MACROD2: variants seen among roughly 807,000 people sequenced by gnomAD.
MACROD2 encodes the protein mono-ADP ribosylhydrolase 2, also known as ADP-ribose glycohydrolase MACROD2.
MACROD2 carries 36 observed loss-of-function variants against 70.4 expected under a neutral mutation model. The ratio of observed to expected loss-of-function variants is 0.51; its 90% CI spans 0.39 to 0.68. The LOEUF is 0.68. Among genes scored for constraint, MACROD2 ranks in the 30% least tolerant of loss-of-function variants. MACROD2 has a pLI of 0.00. For synonymous variants in MACROD2, 172 were observed against 178.8 expected (o/e 0.96, Z 0.30); for missense variants, 496 against 538.4 (o/e 0.92, Z 0.78).
chr20:14,027,713 C>G (rs2053190494), intron 2 of MACROD2, among the ~76,000 whole-genome samples: 1 of 152,196 alleles, frequency 6.6e-6, no homozygotes, highest in Admixed American at 6.5e-5. Flanking sequence ...CCACTGCACA[C>G]CCGGTTTGCC....
At chr20:14,567,729 A>G (rs1252461713) in intron 4 of MACROD2, among the ~76,000 whole-genome samples, 1 of 152,112 alleles carries the variant, frequency 6.6e-6, no homozygotes, top group Non-Finnish European at 1.5e-5. Context: ...CAAGGATTCA[A>G]TAAACCACTT....
At chr20:14,994,144 G>T (rs891331854) in intron 5 of MACROD2, among the ~76,000 whole-genome samples, 2 of 151,896 alleles carry the variant, frequency 1.3e-5, no homozygotes, top group African/African-American at 4.8e-5. Context: ...ACACATACAT[G>T]TACAGGATAG....
chr20:14,994,632 C>CA (rs1377038000), intron 5 of MACROD2, among the ~76,000 whole-genome samples: 2 of 152,032 alleles, frequency 1.3e-5, no homozygotes, highest in Non-Finnish European at 2.9e-5. Flanking sequence ...AGAAAAAAAG[C>CA]AGAGTAGAGA....
At position 15,510,549 on chromosome 20, in the gene MACROD2, G is replaced by A. The variant is rs78164126; in HGVS notation, c.645+10702G>A. ...TGTTTTCAGCCAGGCTGCTGTTTCC[G>A]ATAGAAGCTGTGACCAGAGCTGAAC... On this transcript the variant is annotated intron_variant, in intron 8 of 17. Transcript: ENST00000684519. Among the ~76,000 whole-genome samples the A allele has an allele frequency of 5.5e-3, 840 of 152,264 alleles. 10 individuals carry two copies. The highest frequency in any genetic ancestry group is 0.019 in the African/African-American group (793 of 41,556).
chr20:14,947,701 G>T (rs2074444081), intron 5 of MACROD2, among the ~76,000 whole-genome samples: 1 of 152,104 alleles, frequency 6.6e-6, no homozygotes, highest in Non-Finnish European at 1.5e-5. Context: ...AGCTCCCAGG[G>T]AATGCTAATG....
intron 5 of MACROD2, among the ~76,000 whole-genome samples, chr20:15,148,202 G>C (rs2076244429): frequency 6.6e-6 from 1 of 151,970 alleles, no homozygotes; most frequent in Non-Finnish European, 1.5e-5. Context: ...CCTAGAGTGG[G>C]AGAGATTAAG....
intron 4 of MACROD2, among the ~76,000 whole-genome samples, chr20:14,677,144 C>G (rs1600528102): frequency 1.3e-5 from 2 of 152,112 alleles, no homozygotes; most frequent in South Asian, 4.1e-4. Context: ...TGAGCTTTAC[C>G]TGAGGAATGC....
At chr20:14,355,323 G>T (rs204622) in intron 3 of MACROD2, among the ~76,000 whole-genome samples, 1,885 of 152,270 alleles carry the variant, frequency 0.012, 40 homozygotes, top group African/African-American at 0.043. Flanking sequence ...AAGACAGAGT[G>T]AGTTATGACT....
At chr20:15,785,697 G>C (rs1256176087) in intron 8 of MACROD2, among the ~76,000 whole-genome samples, 3 of 152,076 alleles carry the variant, frequency 2.0e-5, no homozygotes, top group African/African-American at 7.2e-5. Flanking sequence ...CCCTGAGGCA[G>C]GTCCTCAGGT....
At chr20:15,199,372 AAAC>A (rs1385511243) in intron 5 of MACROD2, among the ~76,000 whole-genome samples, 1 of 152,110 alleles carries the variant, frequency 6.6e-6, no homozygotes, top group African/African-American at 2.4e-5. Flanking sequence ...AACAAAAAAC[AAAC>A]AACAACAACA....
At chr20:14,240,512 A>G (rs2081919446) in intron 3 of MACROD2, among the ~76,000 whole-genome samples, 1 of 152,212 alleles carries the variant, frequency 6.6e-6, no homozygotes, top group Admixed American at 6.5e-5. Flanking sequence ...ACAGCCCCCC[A>G]AAATGGATGA....
chr20:14,820,195 C>T (rs1292402857), intron 5 of MACROD2, among the ~76,000 whole-genome samples: 2 of 151,992 alleles, frequency 1.3e-5, no homozygotes, highest in African/African-American at 2.4e-5. Context: ...AGTGAAATAG[C>T]TTCTGAAGGC....
chr20:15,671,746 C>T (rs2049982523), intron 8 of MACROD2, among the ~76,000 whole-genome samples: 1 of 152,216 alleles, frequency 6.6e-6, no homozygotes, highest in Non-Finnish European at 1.5e-5. Flanking sequence ...CTCTGCTTCA[C>T]AGCGGAATGC....
chr20:14,516,641 G>C (rs1327084523), intron 4 of MACROD2, among the ~76,000 whole-genome samples: 1 of 152,078 alleles, frequency 6.6e-6, no homozygotes, highest in Non-Finnish European at 1.5e-5. Context: ...TGAGGGCTCT[G>C]TTCTGTTCCA....
chr20:15,243,817 T>C (rs2077081862), intron 6 of MACROD2, among the ~76,000 whole-genome samples: 1 of 148,914 alleles, frequency 6.7e-6, no homozygotes, highest in African/African-American at 2.5e-5. Context: ...TCCCAGCTAC[T>C]GGGGAGGCTG....
chr20:15,569,912 A>G (rs1389148305), intron 8 of MACROD2, among the ~76,000 whole-genome samples: 2 of 152,132 alleles, frequency 1.3e-5, no homozygotes, highest in African/African-American at 4.8e-5. Flanking sequence ...GGTTGATTCC[A>G]TATCTTGGGT....
At chr20:15,495,766 T>C (rs1455630378) in intron 7 of MACROD2, among the ~76,000 whole-genome samples, 1 of 152,226 alleles carries the variant, frequency 6.6e-6, no homozygotes, top group African/African-American at 2.4e-5. Flanking sequence ...CATAAATAAA[T>C]GCAGAACTGC....
intron 3 of MACROD2, among the ~76,000 whole-genome samples, chr20:14,127,146 G>A (rs1032332558): frequency 4.6e-5 from 7 of 152,182 alleles, no homozygotes; most frequent in African/African-American, 7.2e-5. Context: ...CTACTCCAGT[G>A]AACACATGAA....
At chr20:14,350,454 C>G (rs1368258798) in intron 3 of MACROD2, among the ~76,000 whole-genome samples, 1 of 152,024 alleles carries the variant, frequency 6.6e-6, no homozygotes, top group African/African-American at 2.4e-5. Context: ...GATATTTTAA[C>G]TGGGGTGAGA....
Sources: allele counts gnomAD v4.1 joint callset (sites outside exome capture counted in the v4.1 genomes callset), GRCh38; gene constraint gnomAD v4.1.1; transcripts MANE v1.5; gene names NCBI Gene and HGNC (gene_info 2026-07-23, HGNC 2026-07-21).